Variants in GNPDA2 observed in about 807,000 individuals in gnomAD.
The protein encoded by GNPDA2 is glucosamine-6-phosphate deaminase 2.
A neutral mutation model predicts 27.0 loss-of-function variants in GNPDA2; 24 were observed. The observed-to-expected ratio is 0.89, with a 90% CI of 0.64 to 1.25. The LOEUF is 1.25. Among genes scored for constraint, GNPDA2 ranks in the 50% most tolerant of loss-of-function variants. The pLI is 0.00. For synonymous variants in GNPDA2, 94 were observed against 108.4 expected (o/e 0.87, Z 0.83); for missense variants, 286 against 335.1 (o/e 0.85, Z 1.14).
intron 4 of GNPDA2, among the ~76,000 whole-genome samples, chr4:44,713,934 A>G (rs1321239419): frequency 6.6e-6 from 1 of 152,162 alleles, no homozygotes; most frequent in East Asian, 1.9e-4. Context: ...AAAAGTTTAT[A>G]TATTTAGATT....
intron 4 of GNPDA2, among the ~76,000 whole-genome samples, chr4:44,716,197 C>T (rs1717270125): frequency 6.6e-6 from 1 of 151,976 alleles, no homozygotes; most frequent in South Asian, 2.1e-4. Context: ...CCAAATTTCC[C>T]CCAATGATAA....
chr4:44,709,132 A>G (rs1354801309), intron 5 of GNPDA2, among the ~76,000 whole-genome samples: 1 of 152,142 alleles, frequency 6.6e-6, no homozygotes, highest in South Asian at 2.1e-4. Context: ...GTGGCAAGAA[A>G]TCTCAACATG....
At chr4:44,711,891 A>T (rs1161396517) in intron 4 of GNPDA2, among the ~76,000 whole-genome samples, 1 of 151,812 alleles carries the variant, frequency 6.6e-6, no homozygotes, top group Non-Finnish European at 1.5e-5. Context: ...AATCATACTT[A>T]CCCTTACTAG....
rs955501303 is a variant in GNPDA2, at chr4:44,701,952, C to A, written c.*1129G>T. The A allele has an allele frequency of 3.0e-6, 3 of 984,778 alleles. No individual in the cohort carries two copies. In the African/African-American group the frequency reaches 5.2e-5, roughly 17 times the overall value. The allele number at this position is 984,778 out of a possible 1,614,324, so 61.0% of individuals were successfully genotyped here. A position where few individuals can be genotyped will look rare whatever the true frequency, so the allele number is the denominator to read the frequency against. On this transcript the variant is annotated 3_prime_UTR_variant, in exon 7 of 7. Coordinates refer to ENST00000295448, the MANE Select transcript of GNPDA2 (RefSeq NM_138335.3). ...ATAGACAAGCAGATAAGTAAGGCTT[C>A]TTCTACCAGGTGGGCTTATGAAATG...
intron 5 of GNPDA2, among the ~76,000 whole-genome samples, chr4:44,709,095 G>A (rs193085830): frequency 6.6e-6 from 1 of 152,200 alleles, no homozygotes; most frequent in Admixed American, 6.6e-5. Flanking sequence ...CATTATGGAT[G>A]CACACTCTAA....
At chr4:44,718,820 CAG>C (rs1250530360) in intron 2 of GNPDA2, among the ~76,000 whole-genome samples, 1 of 151,792 alleles carries the variant, frequency 6.6e-6, no homozygotes, top group Non-Finnish European at 1.5e-5. Flanking sequence ...AAAGGGAAAA[CAG>C]GGCTAAATTT....
In GNPDA2 at chr4:44,704,285, C is replaced by T. The variant is rs1174445297; in HGVS notation, c.770-1143G>A. On this transcript the variant is annotated intron_variant, in intron 6 of 6. Coordinates refer to ENST00000295448, the MANE Select transcript of GNPDA2 (RefSeq NM_138335.3). ...TCATGTCCAGTAGGAGAGGGGACAA[C>T]AAAGATAAGGGTAATATCAGCTGTA... is the stretch of plus-strand genomic sequence containing the variant. The T allele has an allele frequency of 3.1e-6, 3 of 983,524 alleles. No homozygotes were observed. In the African/African-American group the frequency reaches 5.3e-5, roughly 17 times the overall value. 60.9% of individuals were successfully genotyped at this position (983,524 alleles called of 1,614,324 possible). A position where few individuals can be genotyped will look rare whatever the true frequency, so the allele number is the denominator to read the frequency against.
intron 4 of GNPDA2, among the ~76,000 whole-genome samples, chr4:44,711,809 GTA>G (rs35046303): frequency 3.3e-4 from 34 of 103,308 alleles, no homozygotes; most frequent in East Asian, 2.1e-3. Context: ...TTGCAATCTA[GTA>G]TATATATATA....
In GNPDA2 at chr4:44,717,279, A is replaced by G. The variant is rs751719413; in HGVS notation, c.243T>C (p.His81=). The stretch of plus-strand genomic sequence containing the variant: ...ACATATAAGAATGGTAGCTTTCAGG[A>G]TGATTTCTTGGAAGTCCTAAAGATG... The part of the protein sequence containing the change: ...MDEYVGLPRN[H]PESYHSYMWN... The change falls in exon 4 of 7, where the codon CAT becomes CAC. Residue 81 remains histidine (H), a synonymous_variant. Coordinates refer to ENST00000295448, the MANE Select transcript of GNPDA2 (RefSeq NM_138335.3). 2.4e-5 allele frequency: 36 copies of G among 1,495,842 alleles called. No individual in the cohort carries two copies. Among genetic ancestry groups the G allele is most frequent in the Non-Finnish European group, 2.8e-5 (31 of 1,105,266 alleles). The allele number at this position is 1,495,842 out of a possible 1,614,324, so 92.7% of individuals were successfully genotyped here. A position where few individuals can be genotyped will look rare whatever the true frequency, so the allele number is the denominator to read the frequency against.
At position 44,717,234 on chromosome 4, in the gene GNPDA2, A is replaced by G. The variant is rs1717358597; in HGVS notation, c.288T>C (p.His96=). The stretch of plus-strand genomic sequence containing the variant: ...GTGCATTATTAGGATCTATATCGAT[A>G]TGCTTAAAAAAATTATTCCACATAT... ...HSYMWNNFFK[H]IDIDPNNAHI... Residue 96 remains histidine (H), a synonymous_variant, in exon 4 of 7, where the codon CAT becomes CAC. Coordinates refer to ENST00000295448, the MANE Select transcript of GNPDA2 (RefSeq NM_138335.3). 6.4e-7 allele frequency: 1 copy of G among 1,569,188 alleles called. No individual in the cohort carries two copies. Among genetic ancestry groups the G allele is most frequent in the Admixed American group, 1.7e-5 (1 of 57,750 alleles).
chr4:44,723,534 A>G (rs1473760333), intron 1 of GNPDA2, among the ~76,000 whole-genome samples: 2 of 152,104 alleles, frequency 1.3e-5, no homozygotes, highest in Admixed American at 1.3e-4. Context: ...ACTTAAGATG[A>G]TGGCCTCCAG....
intron 4 of GNPDA2, among the ~76,000 whole-genome samples, chr4:44,715,490 A>T (rs1188996492): frequency 6.6e-6 from 1 of 152,100 alleles, no homozygotes; most frequent in Non-Finnish European, 1.5e-5. Context: ...ACATTTTTTG[A>T]TATAAGCAGT....
intron 2 of GNPDA2, among the ~76,000 whole-genome samples, chr4:44,721,267 T>A (rs1717649258): frequency 6.6e-6 from 1 of 152,136 alleles, no homozygotes. Flanking sequence ...ACGGGAACTA[T>A]AAATTTATAG....
chr4:44,704,197 G>C (rs1359256067), intron 6 of GNPDA2: 2 of 983,934 alleles, frequency 2.0e-6, no homozygotes, highest in East Asian at 2.3e-4. Context: ...GAGGGAAGGG[G>C]GAAGCATTCC....
chr4:44,703,114 C>T lies in GNPDA2; in HGVS notation c.798G>A (p.Val266=), dbSNP rs769281952. Residue 266 remains valine, a synonymous_variant, in exon 7 of 7, where the codon GTG becomes GTA. Coordinates refer to ENST00000295448, the MANE Select transcript of GNPDA2 (RefSeq NM_138335.3). ...KGLMHVHNKL[V]DPLFSMKDGN ...CATCTTTCATACTGAATAGTGGATCCACAAGTTTATTGTGCACATGCATTA... is the reference window on the plus strand; with the variant it reads ...CATCTTTCATACTGAATAGTGGATCTACAAGTTTATTGTGCACATGCATTA... The T allele has an allele frequency of 6.2e-7, 1 of 1,611,594 alleles. No homozygotes were observed. Among genetic ancestry groups the T allele is most frequent in the Non-Finnish European group, 8.5e-7 (1 of 1,178,898 alleles).
chr4:44,721,713 C>T lies in GNPDA2; in HGVS notation c.124+371G>A, dbSNP rs551762146. 2.6e-5 allele frequency among the ~76,000 whole-genome samples: 4 copies of T among 151,890 alleles called. No individual in the cohort carries two copies. The East Asian group carries it at 7.7e-4, about 29-fold the overall frequency. On this transcript the variant is annotated intron_variant, in intron 2 of 6. Coordinates refer to ENST00000295448, the MANE Select transcript of GNPDA2 (RefSeq NM_138335.3). ...TAAATTAAGAGGCAACAGTACATACCTTAGGTACCTCTTAATGATTAATAA... is the reference window on the plus strand; with the variant it reads ...TAAATTAAGAGGCAACAGTACATACTTTAGGTACCTCTTAATGATTAATAA...
At chr4:44,722,280 A>G (rs1334869244) in intron 1 of GNPDA2, 38 bp from the exon 2 acceptor site, 1 of 1,474,292 alleles carries the variant, frequency 6.8e-7, no homozygotes, top group African/African-American at 1.4e-5. Flanking sequence ...TACATAATAA[A>G]CAGATAATTT....
Position 44,718,657 on chromosome 4 carries a change from G to C in GNPDA2, c.125-247C>G, listed in dbSNP as rs145404481. 2.2e-3 allele frequency among the ~76,000 whole-genome samples: 340 copies of C among 151,868 alleles called. 9 individuals are homozygous for C. The East Asian group carries it at 0.062, about 28-fold the overall frequency. On this transcript the variant is annotated intron_variant, in intron 2 of 6. Transcript: ENST00000295448. ...TTTGGAAAATTATCCTTGAGTTGTTGGGTACTGGGATATACTATAACAAAT... is the reference window on the plus strand; with the variant it reads ...TTTGGAAAATTATCCTTGAGTTGTTCGGTACTGGGATATACTATAACAAAT...
intron 1 of GNPDA2, among the ~76,000 whole-genome samples, chr4:44,722,665 C>A (rs1371645476): frequency 3.3e-5 from 5 of 152,012 alleles, no homozygotes; most frequent in Non-Finnish European, 7.4e-5. Context: ...TATAAGTAAT[C>A]TAGAGATAAA....
Sources: gnomAD v4.1 joint callset for allele counts (sites outside exome capture counted in the v4.1 genomes callset) on GRCh38, gnomAD v4.1.1 for gene constraint, MANE v1.5 for transcripts, NCBI Gene and HGNC (gene_info 2026-07-23, HGNC 2026-07-21) for gene names.